RBFOX1: variants seen among roughly 807,000 people sequenced by gnomAD.
The protein encoded by RBFOX1 is RNA binding protein fox-1 homolog 1.
In RBFOX1, 8 loss-of-function variants were observed where a neutral mutation model predicts 57.7. The ratio of observed to expected loss-of-function variants is 0.14; its 90% CI spans 0.08 to 0.25. RBFOX1 has a LOEUF of 0.25. Ranked by LOEUF, RBFOX1 falls within the 10% of genes least tolerant of loss-of-function variation. RBFOX1 has a pLI of 1.00. For synonymous variants in RBFOX1, 326 were observed against 222.4 expected (o/e 1.47, Z -4.15); for missense variants, 611 against 548.5 (o/e 1.11, Z -1.14).
intron 3 of RBFOX1, among the ~76,000 whole-genome samples, chr16:6,756,635 C>T (rs1364925603): frequency 6.6e-6 from 1 of 151,844 alleles, no homozygotes; most frequent in African/African-American, 2.4e-5. Flanking sequence ...AATAATAATC[C>T]CATTTAAAAA....
chr16:6,939,454 A>G (rs2077956817), intron 3 of RBFOX1, among the ~76,000 whole-genome samples: 1 of 151,502 alleles, frequency 6.6e-6, no homozygotes, highest in Non-Finnish European at 1.5e-5. Flanking sequence ...ATCTGGGTTA[A>G]TGAATGTGCT....
chr16:6,588,423 C>G (rs2097661816), intron 2 of RBFOX1, among the ~76,000 whole-genome samples: 1 of 151,508 alleles, frequency 6.6e-6, no homozygotes, highest in Non-Finnish European at 1.5e-5. Context: ...GAGGCCAAGG[C>G]AGGTGGATCG....
At chr16:6,591,695 C>T (rs2097713440) in intron 2 of RBFOX1, among the ~76,000 whole-genome samples, 1 of 152,144 alleles carries the variant, frequency 6.6e-6, no homozygotes, top group African/African-American at 2.4e-5. Flanking sequence ...GCTTTTTCTA[C>T]AGCTTAATTT....
intron 2 of RBFOX1, among the ~76,000 whole-genome samples, chr16:5,495,858 G>T (rs2042984562): frequency 6.6e-6 from 1 of 152,348 alleles, no homozygotes; most frequent in South Asian, 2.1e-4. Context: ...GAGCATGGTG[G>T]CTCACGCCTG....
At position 7,336,377 on chromosome 16, in the gene RBFOX1, A is replaced by T. The variant is rs535245684; in HGVS notation, c.28-181770A>T. 2.0e-5 allele frequency among the ~76,000 whole-genome samples: 3 copies of T among 152,360 alleles called. No individual in the cohort carries two copies. The East Asian group carries it at 5.8e-4, about 29-fold the overall frequency. On this transcript the variant is annotated intron_variant, in intron 4 of 15. Transcript: ENST00000550418. ...CCCTTGGGCCATACATGGCCAAGTC[A>T]CTTTCACTATTGGACAAATCGTTCC...
At chr16:7,144,703 C>T (rs760993702) in intron 4 of RBFOX1, among the ~76,000 whole-genome samples, 4 of 152,034 alleles carry the variant, frequency 2.6e-5, no homozygotes, top group East Asian at 1.9e-4. Flanking sequence ...AGCTTCCCTC[C>T]GCTTTCCCCA....
intron 1 of RBFOX1, among the ~76,000 whole-genome samples, chr16:6,217,821 C>T (rs1383159934): frequency 6.6e-6 from 1 of 152,094 alleles, no homozygotes; most frequent in East Asian, 1.9e-4. Context: ...TTGAGACCAG[C>T]CGGGCGAACA....
intron 1 of RBFOX1, among the ~76,000 whole-genome samples, chr16:5,291,991 G>C (rs992974131): frequency 2.0e-5 from 3 of 151,254 alleles, no homozygotes; most frequent in Non-Finnish European, 4.4e-5. Context: ...GCCATTTGCA[G>C]TTACTTTTTT....
chr16:6,430,669 C>G (rs2153003671), intron 2 of RBFOX1, among the ~76,000 whole-genome samples: 1 of 152,128 alleles, frequency 6.6e-6, no homozygotes, highest in Admixed American at 6.5e-5. Context: ...GGGATGGTCA[C>G]ATAGGCTTTG....
chr16:7,340,705 A>G (rs1054995084), intron 4 of RBFOX1, among the ~76,000 whole-genome samples: 3 of 152,226 alleles, frequency 2.0e-5, no homozygotes, highest in Admixed American at 6.5e-5. Flanking sequence ...CCTTCCAGTT[A>G]TTAACTTTGT....
chr16:7,354,188 C>G (rs1057344957), intron 4 of RBFOX1, among the ~76,000 whole-genome samples: 2 of 152,080 alleles, frequency 1.3e-5, no homozygotes, highest in Non-Finnish European at 2.9e-5. Context: ...TCAGACTGGT[C>G]TCAAACTCCT....
intron 4 of RBFOX1, among the ~76,000 whole-genome samples, chr16:5,896,465 C>T (rs533311920): frequency 6.6e-6 from 1 of 152,296 alleles, no homozygotes; most frequent in African/African-American, 2.4e-5. Flanking sequence ...TCCTCTCTTG[C>T]CATGGCTTCT....
Position 7,186,265 on chromosome 16 carries a change from AAC to A in RBFOX1, c.27+134169_27+134170del, listed in dbSNP as rs1483191609. Among the ~76,000 whole-genome samples, 116 of 69,860 alleles carry A rather than the reference AAC, an allele frequency of 1.7e-3. 5 individuals are homozygous for A. Among genetic ancestry groups the A allele is most frequent in the East Asian group, 2.5e-3 (6 of 2,410 alleles). 45.8% of individuals were successfully genotyped at this position (69,860 alleles called of 152,430 possible). ...ATATAAACATAAACATATTTATATA[AAC>A]ATAAACATAAACATATTTATATAAA... On this transcript the variant is annotated intron_variant, in intron 4 of 15. Coordinates refer to ENST00000550418, the MANE Select transcript of RBFOX1 (RefSeq NM_018723.4).
chr16:6,917,185 T>C (rs954550028), intron 3 of RBFOX1, among the ~76,000 whole-genome samples: 1 of 152,148 alleles, frequency 6.6e-6, no homozygotes, highest in Non-Finnish European at 1.5e-5. Context: ...AGACTGAGTT[T>C]CTGTTCTTAA....
intron 2 of RBFOX1, among the ~76,000 whole-genome samples, chr16:6,499,809 G>T: frequency 6.6e-6 from 1 of 152,072 alleles, no homozygotes; most frequent in East Asian, 1.9e-4. Flanking sequence ...AGTCATTAGG[G>T]CATTCGCGGG....
chr16:7,045,539 C>T lies in RBFOX1; in HGVS notation c.-15-6518C>T, dbSNP rs112609517. On this transcript the variant is annotated intron_variant, in intron 3 of 15. Coordinates refer to ENST00000550418, the MANE Select transcript of RBFOX1 (RefSeq NM_018723.4). ...TGGTGCCACTTCACATGGCACAAGT[C>T]AGAGGTCAGTAGGCCCCCTGGTTCC... is the stretch of plus-strand genomic sequence containing the variant. Among the ~76,000 whole-genome samples, 771 of 152,278 alleles carry T rather than the reference C, an allele frequency of 5.1e-3. 10 individuals are homozygous for T. The highest frequency in any genetic ancestry group is 0.018 in the African/African-American group (735 of 41,556).
At chr16:5,640,402 A>G (rs948378368) in intron 3 of RBFOX1, among the ~76,000 whole-genome samples, 1 of 152,110 alleles carries the variant, frequency 6.6e-6, no homozygotes, top group Non-Finnish European at 1.5e-5. Flanking sequence ...GCATGCACAT[A>G]TACACATGCA....
chr16:6,635,656 A>G (rs186039513), intron 2 of RBFOX1, among the ~76,000 whole-genome samples: 16 of 152,316 alleles, frequency 1.1e-4, no homozygotes, highest in South Asian at 1.0e-3. Flanking sequence ...GCACAGAAGT[A>G]ATTTCAGTAA....
At chr16:7,224,022 T>C (rs2092925238) in intron 4 of RBFOX1, among the ~76,000 whole-genome samples, 2 of 151,126 alleles carry the variant, frequency 1.3e-5, no homozygotes, top group African/African-American at 4.9e-5. Context: ...ATATTATTTA[T>C]GCATATGTTG....
Sources: allele counts gnomAD v4.1 joint callset (sites outside exome capture counted in the v4.1 genomes callset), GRCh38; gene constraint gnomAD v4.1.1; transcripts MANE v1.5; gene names NCBI Gene and HGNC (gene_info 2026-07-23, HGNC 2026-07-21).